Variants in PIK3C2G observed in about 807,000 individuals in gnomAD.
PIK3C2G encodes phosphatidylinositol-4-phosphate 3-kinase catalytic subunit type 2 gamma.
A neutral mutation model predicts 181.1 loss-of-function variants in PIK3C2G; 168 were observed. The observed-to-expected ratio is 0.93, with a 90% CI of 0.82 to 1.05. The LOEUF (loss-of-function observed/expected upper bound fraction) is 1.05. PIK3C2G is among the 50% of genes least tolerant of loss of function. The pLI, the probability that PIK3C2G is intolerant of heterozygous loss-of-function variation, is 0.00. For missense variants in PIK3C2G, 1,869 were observed against 1,732.8 expected (o/e 1.08, Z -1.40); for synonymous variants, 573 against 592.2 (o/e 0.97, Z 0.47).
chr12:18,414,977 TAAAC>T (rs1945092761), intron 16 of PIK3C2G, among the ~76,000 whole-genome samples: 2 of 152,196 alleles, frequency 1.3e-5, no homozygotes, highest in African/African-American at 4.8e-5. Flanking sequence ...TAGTAATAAA[TAAAC>T]AGAGACATCC....
chr12:18,612,685 T>A (rs575129559), intron 31 of PIK3C2G, among the ~76,000 whole-genome samples: 2 of 152,288 alleles, frequency 1.3e-5, no homozygotes, highest in African/African-American at 4.8e-5. Context: ...TTTCAAGTTT[T>A]AGCTAATTGT....
At chr12:18,664,562 T>C in the PIK3C2G span, among the ~76,000 whole-genome samples, 1 of 152,108 alleles carries the variant, frequency 6.6e-6, no homozygotes, top group Admixed American at 6.6e-5. Flanking sequence ...ATACTTAAAG[T>C]GTTCAAAATC....
intron 1 of PIK3C2G, among the ~76,000 whole-genome samples, chr12:18,277,923 T>C (rs17409120): frequency 0.073 from 11,095 of 152,200 alleles, 491 homozygotes; most frequent in Non-Finnish European, 0.11. Flanking sequence ...TATAAGCAAC[T>C]GTGGTACACT....
Position 18,282,474 on chromosome 12 carries a change from A to G in PIK3C2G, c.393A>G (p.Gly131=). 6.2e-7 allele frequency: 1 copy of G among 1,613,160 alleles called. No homozygotes were observed. The highest frequency in any genetic ancestry group is 8.5e-7 in the Non-Finnish European group (1 of 1,179,396). The change falls in exon 2 of 33, where the codon GGA becomes GGG. Residue 131 remains glycine (G), a synonymous_variant. Transcript: ENST00000538779. The stretch of plus-strand genomic sequence containing the variant: ...AATGCTCCTGGGGAAGCCCCATAGG[A>G]AAACATCATGGTGCTGATGATTCCA... ...NKECSWGSPI[G]KHHGADDSRF... is the part of the protein sequence containing the mutation.
At chr12:18,652,411 A>G (rs915183271), downstream of PIK3C2G, among the ~76,000 whole-genome samples, 1 of 152,170 alleles carries the variant, frequency 6.6e-6, no homozygotes, top group Non-Finnish European at 1.5e-5. Flanking sequence ...AACCACTGCG[A>G]ACTGCAAAAG....
chr12:18,650,702 G>C (rs79057666), downstream of PIK3C2G, among the ~76,000 whole-genome samples: 3 of 27,696 alleles, frequency 1.1e-4, no homozygotes, highest in Non-Finnish European at 2.3e-4. Context: ...GTGTGTGTGT[G>C]TGTATATATC....
intron 18 of PIK3C2G, among the ~76,000 whole-genome samples, chr12:18,453,040 T>C (rs1196152257): frequency 1.3e-5 from 2 of 152,234 alleles, no homozygotes; most frequent in African/African-American, 4.8e-5. Context: ...ATGTACATTC[T>C]GTTCATTTGA....
At chr12:18,660,566 T>C in the PIK3C2G span, among the ~76,000 whole-genome samples, 9 of 152,152 alleles carry the variant, frequency 5.9e-5, no homozygotes, top group African/African-American at 2.2e-4. Flanking sequence ...TAACTGTGCA[T>C]GCCCGGAGAA....
chr12:18,612,698 T>C (rs540818204), intron 31 of PIK3C2G, among the ~76,000 whole-genome samples: 1 of 152,286 alleles, frequency 6.6e-6, no homozygotes, highest in African/African-American at 2.4e-5. Context: ...CTAATTGTTA[T>C]TTGTCGATCC....
At chr12:18,693,863 C>T in the PIK3C2G span, 1 of 1,532,772 alleles carries the variant, frequency 6.5e-7, no homozygotes, top group South Asian at 1.1e-5. Context: ...GACGAAGAAG[C>T]CCATCTTTCA....
intron 30 of PIK3C2G, among the ~76,000 whole-genome samples, chr12:18,599,125 T>A (rs1224216277): frequency 2.0e-5 from 3 of 152,170 alleles, no homozygotes; most frequent in Non-Finnish European, 4.4e-5. Flanking sequence ...AAATACCATT[T>A]GACCCAGCCA....
intron 31 of PIK3C2G, among the ~76,000 whole-genome samples, chr12:18,624,680 T>A (rs751853664): frequency 1.3e-5 from 2 of 151,650 alleles, no homozygotes; most frequent in Non-Finnish European, 3.0e-5. Flanking sequence ...GGCTTTTTTT[T>A]GAGGAGAGAC....
chr12:18,722,574 GT>G, the PIK3C2G span, among the ~76,000 whole-genome samples: 4 of 151,986 alleles, frequency 2.6e-5, no homozygotes, highest in Non-Finnish European at 4.4e-5. Context: ...GTCAAACATT[GT>G]GCTTTAACAA....
the PIK3C2G span, among the ~76,000 whole-genome samples, chr12:18,653,828 G>A: frequency 6.6e-6 from 1 of 152,162 alleles, no homozygotes; most frequent in East Asian, 1.9e-4. Context: ...GGAACTCTTT[G>A]TATAAAGAGA....
the PIK3C2G span, among the ~76,000 whole-genome samples, chr12:18,721,839 A>G: frequency 6.6e-6 from 1 of 152,030 alleles, no homozygotes; most frequent in Non-Finnish European, 1.5e-5. Context: ...CTGAGACCAA[A>G]TTGTCACTAA....
chr12:18,663,039 T>C, the PIK3C2G span, among the ~76,000 whole-genome samples: 3 of 151,964 alleles, frequency 2.0e-5, no homozygotes. Context: ...TGGATTAAAC[T>C]CTCTCCAGTC....
chr12:18,429,046 T>A (rs1465560852), intron 18 of PIK3C2G, among the ~76,000 whole-genome samples: 1 of 152,156 alleles, frequency 6.6e-6, no homozygotes, highest in African/African-American at 2.4e-5. Flanking sequence ...TGTGACCTTA[T>A]GGAGAAAAAG....
At chr12:18,594,639 A>C (rs1221830915) in intron 30 of PIK3C2G, 70 bp downstream of exon 30, 1 of 744,008 alleles carries the variant, frequency 1.3e-6, no homozygotes, top group Admixed American at 3.3e-5. Flanking sequence ...TATCACAACT[A>C]ATTTTTTTCA....
chr12:18,483,695 T>TA (rs904193095), intron 18 of PIK3C2G, among the ~76,000 whole-genome samples: 27 of 151,866 alleles, frequency 1.8e-4, no homozygotes, highest in African/African-American at 6.0e-4. Flanking sequence ...CGAGAATGTT[T>TA]AAAAAAATGT....
Sources: gnomAD v4.1 joint callset for allele counts (sites outside exome capture counted in the v4.1 genomes callset) on GRCh38, gnomAD v4.1.1 for gene constraint, MANE v1.5 for transcripts, NCBI Gene and HGNC (gene_info 2026-07-23, HGNC 2026-07-21) for gene names.